The following CCDC7 variants were observed in gnomAD, a reference collection of about 807,000 sequenced individuals.
CCDC7 encodes the protein coiled-coil domain containing 7.
A neutral mutation model predicts 196.9 loss-of-function variants in CCDC7; 183 were observed. The ratio of observed to expected loss-of-function variants is 0.93; its 90% CI spans 0.82 to 1.05. The LOEUF is 1.05. Ranked by LOEUF, CCDC7 falls within the 50% of genes least tolerant of loss-of-function variation. The pLI is 0.00. For synonymous variants in CCDC7, 525 were observed against 484.6 expected (o/e 1.08, Z -1.10); for missense variants, 1,540 against 1,482.2 (o/e 1.04, Z -0.64).
intron 11 of CCDC7, among the ~76,000 whole-genome samples, chr10:32,528,746 A>ATACATATATACATATT (rs1348066442): frequency 0.011 from 1,532 of 144,616 alleles, 12 homozygotes; most frequent in Non-Finnish European, 0.017. Context: ...ATATGTATAT[A>ATACATATATACATATT]TACATATATA....
In CCDC7 at chr10:32,506,446, C is replaced by T. The variant is rs1002525067; in HGVS notation, c.873-11499C>T. Among the ~76,000 whole-genome samples the T allele has an allele frequency of 4.6e-5, 7 of 152,118 alleles. No homozygotes were observed. In the East Asian group the frequency reaches 5.8e-4, roughly 13 times the overall value. On this transcript the variant is annotated intron_variant, in intron 9 of 41. Transcript: ENST00000639629. ...GCAGAGACGCTGCTCACTTCCTAGA[C>T]GGGGTGGCAGGCGGGCAGAAGCTGT...
chr10:32,805,312 A>G (rs1291522588), intron 30 of CCDC7, among the ~76,000 whole-genome samples: 2 of 152,180 alleles, frequency 1.3e-5, no homozygotes, highest in Admixed American at 1.3e-4. Context: ...ATCCATTTAG[A>G]AAGTAATCCA....
intron 2 of CCDC7, among the ~76,000 whole-genome samples, chr10:32,455,061 C>G (rs2034010825): frequency 6.6e-6 from 1 of 152,068 alleles, no homozygotes; most frequent in Non-Finnish European, 1.5e-5. Context: ...TAAACTTGGT[C>G]AAATCAATTT....
At chr10:32,641,589 G>A (rs2066809404) in intron 20 of CCDC7, among the ~76,000 whole-genome samples, 1 of 152,102 alleles carries the variant, frequency 6.6e-6, no homozygotes, top group African/African-American at 2.4e-5. Flanking sequence ...CCTTTGCAAT[G>A]GGTTCGAACT....
At chr10:32,446,611 A>T (rs1278287479) in intron 1 of CCDC7, 1 of 152,136 alleles carries the variant, frequency 6.6e-6, no homozygotes, top group African/African-American at 2.4e-5. Context: ...ACACTTTATC[A>T]TTAAAGGATT....
At chr10:32,504,774 T>C (rs1269640709) in intron 9 of CCDC7, among the ~76,000 whole-genome samples, 1 of 152,234 alleles carries the variant, frequency 6.6e-6, no homozygotes, top group Non-Finnish European at 1.5e-5. Context: ...ATATACTTGA[T>C]ATGACTTCAG....
At chr10:32,591,687 A>G (rs556651096) in intron 18 of CCDC7, among the ~76,000 whole-genome samples, 2 of 152,274 alleles carry the variant, frequency 1.3e-5, no homozygotes, top group Non-Finnish European at 2.9e-5. Flanking sequence ...GAGGAGTCTC[A>G]CCAGCACCAC....
At chr10:32,700,791 C>G (rs991815038) in intron 24 of CCDC7, among the ~76,000 whole-genome samples, 1 of 152,054 alleles carries the variant, frequency 6.6e-6, no homozygotes. Flanking sequence ...AGTTGGATTC[C>G]TAGGTATTTT....
At chr10:32,543,953 A>G (rs1410190297) in intron 12 of CCDC7, among the ~76,000 whole-genome samples, 1 of 152,086 alleles carries the variant, frequency 6.6e-6, no homozygotes, top group African/African-American at 2.4e-5. Context: ...AAAGAAATTC[A>G]TGGGACAAAT....
chr10:32,816,256 G>A (rs546000252), intron 31 of CCDC7, among the ~76,000 whole-genome samples: 2 of 152,352 alleles, frequency 1.3e-5, no homozygotes, highest in African/African-American at 4.8e-5. Flanking sequence ...AGCAGTCTGA[G>A]ATCAAACTGC....
chr10:32,641,976 G>A (rs2066888690), intron 20 of CCDC7, among the ~76,000 whole-genome samples: 1 of 152,196 alleles, frequency 6.6e-6, no homozygotes, highest in African/African-American at 2.4e-5. Flanking sequence ...TGGTATTGGT[G>A]AACAGCAAAT....
chr10:32,685,907 A>G (rs2076412291), intron 21 of CCDC7, 63 bp from the exon 23 acceptor site: 4 of 947,728 alleles, frequency 4.2e-6, no homozygotes, highest in Non-Finnish European at 6.4e-6. Flanking sequence ...AATTTGAAAC[A>G]CAGAAATTTC....
intron 18 of CCDC7, among the ~76,000 whole-genome samples, chr10:32,596,319 G>T (rs1185092124): frequency 2.6e-5 from 4 of 152,000 alleles, no homozygotes; most frequent in Non-Finnish European, 5.9e-5. Context: ...TATCTTTGTT[G>T]GTTTAAAGTC....
chr10:32,832,987 T>C (rs2092328614), intron 32 of CCDC7, among the ~76,000 whole-genome samples: 1 of 151,970 alleles, frequency 6.6e-6, no homozygotes, highest in Non-Finnish European at 1.5e-5. Flanking sequence ...AGATGGTAAC[T>C]CAAATCCACA....
intron 21 of CCDC7, among the ~76,000 whole-genome samples, chr10:32,679,359 T>C (rs1591514955): frequency 6.6e-6 from 1 of 152,206 alleles, no homozygotes; most frequent in Non-Finnish European, 1.5e-5. Flanking sequence ...ACTCAAACAG[T>C]AAATGGATAT....
At chr10:32,522,611 C>A (rs1385157371) in intron 11 of CCDC7, among the ~76,000 whole-genome samples, 1 of 151,934 alleles carries the variant, frequency 6.6e-6, no homozygotes, top group Non-Finnish European at 1.5e-5. Flanking sequence ...TTTCAAAACA[C>A]CAACTTTTTG....
intron 20 of CCDC7, among the ~76,000 whole-genome samples, chr10:32,655,737 G>T (rs563800883): frequency 6.6e-6 from 1 of 152,198 alleles, no homozygotes; most frequent in East Asian, 1.9e-4. Context: ...TAGAGATGGG[G>T]TTTCACTGTA....
chr10:32,690,496 T>C (rs747096313), intron 23 of CCDC7, among the ~76,000 whole-genome samples: 1 of 152,210 alleles, frequency 6.6e-6, no homozygotes, highest in Non-Finnish European at 1.5e-5. Flanking sequence ...GTATGACAAC[T>C]GTAGTCACTT....
chr10:32,845,877 G>A, exon 36 of CCDC7: 3 of 1,603,742 alleles, frequency 1.9e-6, no homozygotes, highest in East Asian at 4.5e-5. Context: ...TTTCAATAGA[G>A]ACTGATAAGG....
Sources: allele counts gnomAD v4.1 joint callset (sites outside exome capture counted in the v4.1 genomes callset), GRCh38; gene constraint gnomAD v4.1.1; transcripts MANE v1.5; gene names NCBI Gene and HGNC (gene_info 2026-07-23, HGNC 2026-07-21).